DDX21: variants seen among roughly 807,000 people sequenced by gnomAD.
The protein encoded by DDX21 is nucleolar RNA helicase 2.
DDX21 carries 18 observed loss-of-function variants against 90.0 expected under a neutral mutation model. The ratio of observed to expected loss-of-function variants is 0.20; its 90% CI spans 0.14 to 0.30. DDX21 has a LOEUF of 0.30. Among genes scored for constraint, DDX21 ranks in the 10% least tolerant of loss-of-function variants. The pLI is 1.00. For missense variants in DDX21, 673 were observed against 944.5 expected (o/e 0.71, Z 3.77); for synonymous variants, 294 against 318.0 (o/e 0.92, Z 0.80).
chr10:68,981,141 A>G (rs1843184296), intron 13 of DDX21, among the ~76,000 whole-genome samples: 1 of 152,230 alleles, frequency 6.6e-6, no homozygotes, highest in South Asian at 2.1e-4. Flanking sequence ...TATAGGTTTT[A>G]GAGCCATACA....
At chr10:68,981,695 T>A (rs894144003) in intron 14 of DDX21, 114 bp downstream of exon 14, 2 of 954,668 alleles carry the variant, frequency 2.1e-6, no homozygotes. Context: ...TAGTAAGAGA[T>A]AATCGATAAT....
At chr10:68,976,049 CAAAAA>C (rs58243000) in intron 11 of DDX21, among the ~76,000 whole-genome samples, 1 of 136,474 alleles carries the variant, frequency 7.3e-6, no homozygotes, top group African/African-American at 2.8e-5. Flanking sequence ...AACTCTGTCT[CAAAAA>C]AAAAAAAAAA....
rs181742421 is a variant in DDX21, at chr10:68,973,765, G to A, written c.1668+101G>A. On this transcript the variant is annotated intron_variant, in intron 10 of 14. Coordinates refer to ENST00000354185, the MANE Select transcript of DDX21 (RefSeq NM_004728.4). ...ACTTTAAAATATTTTTATTTCTAGT[G>A]TGTGGCAATGACTGAAAGCTTATTG... is the stretch of plus-strand genomic sequence containing the variant. 878 of 1,436,894 alleles carry A rather than the reference G, an allele frequency of 6.1e-4. 3 individuals carry two copies. In the Middle Eastern group the frequency reaches 8.0e-3, roughly 13 times the overall value. The allele number at this position is 1,436,894 out of a possible 1,614,324, so 89.0% of individuals were successfully genotyped here.
At chr10:68,968,020 A>T (rs1842964141) in intron 6 of DDX21, among the ~76,000 whole-genome samples, 1 of 152,034 alleles carries the variant, frequency 6.6e-6, no homozygotes, top group African/African-American at 2.4e-5. Flanking sequence ...AGCTGGGACT[A>T]TAGATGTGCG....
chr10:68,971,212 CTAA>C (rs1270454954), intron 8 of DDX21, among the ~76,000 whole-genome samples: 1 of 151,850 alleles, frequency 6.6e-6, no homozygotes, highest in Non-Finnish European at 1.5e-5. Flanking sequence ...TCACCACTAT[CTAA>C]TTGGGAAGAC....
At chr10:68,962,806 G>C (rs559646830) in intron 3 of DDX21, among the ~76,000 whole-genome samples, 1 of 152,276 alleles carries the variant, frequency 6.6e-6, no homozygotes, top group Admixed American at 6.5e-5. Context: ...GAAGTAGCTG[G>C]AGTCACAGTT....
chr10:68,981,560 C>T lies in DDX21; in HGVS notation c.2061C>T (p.Thr687=), dbSNP rs141397392. Residue 687 remains threonine, a synonymous_variant, in exon 14 of 15, where the codon ACC becomes ACT. Transcript: ENST00000354185. ...GKLGVCFDVP[T]ASVTEIQEKW... ...AGGGTGTTTGCTTTGATGTACCTAC[C>T]GCATCAGTAACAGAAATACAGGTAT... 1.1e-5 allele frequency: 17 copies of T among 1,612,360 alleles called. No homozygotes were observed. In the African/African-American group the frequency reaches 1.1e-4, roughly 10 times the overall value.
chr10:68,962,691 G>A (rs937147123), intron 3 of DDX21, among the ~76,000 whole-genome samples: 9 of 152,128 alleles, frequency 5.9e-5, no homozygotes, highest in African/African-American at 2.2e-4. Context: ...AAGCAATTAG[G>A]TGATGCCATA....
At chr10:68,959,471 C>T (rs1161806992) in intron 1 of DDX21, among the ~76,000 whole-genome samples, 26 of 152,076 alleles carry the variant, frequency 1.7e-4, no homozygotes, top group Admixed American at 1.4e-3. Context: ...ACAGCCTGGG[C>T]GACAGAGCGA....
chr10:68,956,407 C>A, intron 1 of DDX21, 95 bp downstream of exon 1: 1 of 1,561,056 alleles, frequency 6.4e-7, no homozygotes, highest in East Asian at 2.3e-5. Context: ...TGGGAGCGCG[C>A]GGCGGATAAC....
intron 12 of DDX21, 73 bp downstream of exon 12, chr10:68,977,761 A>C: frequency 7.0e-7 from 1 of 1,421,558 alleles, no homozygotes; most frequent in Non-Finnish European, 9.5e-7. Context: ...GTTTCATTTA[A>C]GCTTCCCAGT....
At position 68,985,039 on chromosome 10, in the gene DDX21, G is replaced by A. The variant is rs1843247590; in HGVS notation, c.*2227G>A. ...ATGAGCTAATGTATAAAATACTGCTGTATACCATAATAAAGATAGTAATAC... is the reference window on the plus strand; with the variant it reads ...ATGAGCTAATGTATAAAATACTGCTATATACCATAATAAAGATAGTAATAC... On this transcript the variant is annotated 3_prime_UTR_variant, in exon 15 of 15. Coordinates refer to ENST00000354185, the MANE Select transcript of DDX21 (RefSeq NM_004728.4). 1.3e-5 allele frequency: 2 copies of A among 152,046 alleles called. No homozygotes were observed. The highest frequency in any genetic ancestry group is 2.9e-5 in the Non-Finnish European group (2 of 68,014). 9.4% of individuals were successfully genotyped at this position (152,046 alleles called of 1,614,324 possible). A position where few individuals can be genotyped will look rare whatever the true frequency, so the allele number is the denominator to read the frequency against.
intron 8 of DDX21, 134 bp downstream of exon 8, chr10:68,970,484 AC>A: frequency 2.4e-5 from 18 of 750,728 alleles, no homozygotes; most frequent in East Asian, 3.4e-5. Flanking sequence ...AGAGGAAGCT[AC>A]TTTTTTTTTT....
intron 8 of DDX21, 58 bp downstream of exon 8, chr10:68,970,408 G>A (rs1843005997): frequency 2.6e-6 from 4 of 1,529,624 alleles, no homozygotes; most frequent in Non-Finnish European, 3.5e-6. Flanking sequence ...TTCACCTTGG[G>A]CATATCTGCT....
At chr10:68,980,757 A>C (rs1843173880) in intron 13 of DDX21, among the ~76,000 whole-genome samples, 2 of 149,938 alleles carry the variant, frequency 1.3e-5, no homozygotes, top group Non-Finnish European at 3.0e-5. Flanking sequence ...CTGTAATCTC[A>C]GTATTTTGGG....
At chr10:68,969,891 G>A (rs1351830142) in intron 7 of DDX21, among the ~76,000 whole-genome samples, 3 of 152,200 alleles carry the variant, frequency 2.0e-5, no homozygotes, top group Non-Finnish European at 4.4e-5. Flanking sequence ...TTGGTTTCCT[G>A]TAGAAAGCTA....
In DDX21 at chr10:68,978,905, G is replaced by C. The variant is rs764697883; in HGVS notation, c.1966G>C (p.Glu656Gln). ...GCCAAATATTAGTTATGCTTGGAAA[G>C]AACTTAAAGAGCAGCTGGGCGAGGA... ...EMPNISYAWKELKEQLGEEID... is the reference protein window; with the variant it reads ...EMPNISYAWKQLKEQLGEEID... The change falls in exon 13 of 15, where the codon GAA becomes CAA. Residue 656 changes from glutamate to glutamine, a missense_variant. Glu to Gln is a conservative substitution (Grantham distance 29, BLOSUM62 2). Coordinates refer to ENST00000354185, the MANE Select transcript of DDX21 (RefSeq NM_004728.4). The C allele has an allele frequency of 6.2e-7, 1 of 1,614,218 alleles. No homozygotes were observed. The highest frequency in any genetic ancestry group is 2.2e-5 in the East Asian group (1 of 44,888).
rs776819535 is a variant in DDX21, at chr10:68,959,798, T to A, written c.88-8T>A. 3.3e-6 allele frequency: 5 copies of A among 1,523,930 alleles called. No individual in the cohort carries two copies. In the East Asian group the frequency reaches 1.2e-4, roughly 36 times the overall value. The allele number at this position is 1,523,930 out of a possible 1,614,324, so 94.4% of individuals were successfully genotyped here. Reference sequence around the variant, plus strand: ...AGTGTTTGTATTTTCCTTATGAATTTTTTTTAGAAAGAGAAAAAAGAGAAG... The same window carrying A: ...AGTGTTTGTATTTTCCTTATGAATTATTTTTAGAAAGAGAAAAAAGAGAAG... On this transcript the variant is annotated splice_region_variant and splice_polypyrimidine_tract_variant and intron_variant, in intron 1 of 14. Transcript: ENST00000354185.
In DDX21 at chr10:68,970,360, T is replaced by TC. The variant is rs762381743; in HGVS notation, c.1386+14dup. The TC allele has an allele frequency of 6.2e-7, 1 of 1,611,246 alleles. No homozygotes were observed. Among genetic ancestry groups the TC allele is most frequent in the South Asian group, 1.1e-5 (1 of 90,536 alleles). ...TTCAGCTATAAAGCAGGTTGGTCCT[T>TC]CCCCTTATGCCAGCAAAACTGGGGA... On this transcript the variant is annotated intron_variant, in intron 8 of 14. Coordinates refer to ENST00000354185, the MANE Select transcript of DDX21 (RefSeq NM_004728.4).
Sources: gnomAD v4.1 joint callset for allele counts (sites outside exome capture counted in the v4.1 genomes callset) on GRCh38, gnomAD v4.1.1 for gene constraint, MANE v1.5 for transcripts, NCBI Gene and HGNC (gene_info 2026-07-23, HGNC 2026-07-21) for gene names.